Variants in METTL15 observed in about 807,000 individuals in gnomAD.
The protein encoded by METTL15 is methyltransferase 15, mitochondrial 12S rRNA N4-cytidine, also known as 12S rRNA N(4)-cytidine methyltransferase METTL15.
METTL15 carries 34 observed loss-of-function variants against 38.3 expected under a neutral mutation model. The observed-to-expected ratio is 0.89, with a 90% CI of 0.68 to 1.18. The LOEUF (loss-of-function observed/expected upper bound fraction) is 1.18, where lower values mean the gene tolerates loss of function less well. Among genes scored for constraint, METTL15 ranks in the 50% most tolerant of loss-of-function variants. METTL15 has a pLI of 0.00. For missense variants in METTL15, 438 were observed against 498.4 expected (o/e 0.88, Z 1.15); for synonymous variants, 162 against 170.9 (o/e 0.95, Z 0.41).
At chr11:28,146,594 G>T (rs1849894717) in intron 3 of METTL15, among the ~76,000 whole-genome samples, 1 of 151,866 alleles carries the variant, frequency 6.6e-6, no homozygotes. Context: ...GTGTCATTGT[G>T]ATTAATTTCT....
At chr11:28,524,263 A>G (rs1466246744) in intron 6 of METTL15, among the ~76,000 whole-genome samples, 1 of 152,244 alleles carries the variant, frequency 6.6e-6, no homozygotes, top group Non-Finnish European at 1.5e-5. Context: ...GGTTTTGAGT[A>G]ACAGTGACTC....
At chr11:28,243,081 TAAA>T (rs879689338) in intron 4 of METTL15, among the ~76,000 whole-genome samples, 1 of 139,468 alleles carries the variant, frequency 7.2e-6, no homozygotes. Flanking sequence ...GATTGGAGTG[TAAA>T]AAAAAAAAAA....
intron 4 of METTL15, among the ~76,000 whole-genome samples, chr11:28,360,019 C>T (rs532202872): frequency 6.6e-6 from 1 of 152,166 alleles, no homozygotes; most frequent in Non-Finnish European, 1.5e-5. Flanking sequence ...GAAGCCCAAC[C>T]CCTCAGGAGA....
In METTL15 at chr11:28,332,714, G is replaced by A. The variant is rs1283626302; in HGVS notation, c.*1873G>A. 2 of 151,642 alleles carry A rather than the reference G, an allele frequency of 1.3e-5. No individual in the cohort carries two copies. Among genetic ancestry groups the A allele is most frequent in the African/African-American group, 4.9e-5 (2 of 41,060 alleles). 9.4% of individuals were successfully genotyped at this position (151,642 alleles called of 1,614,324 possible). ...CACGCCTGTAATCCCAGCACTGTGG[G>A]AGGCCAAGCCAGGCAAATCGCTTGA... is the stretch of plus-strand genomic sequence containing the variant. On this transcript the variant is annotated 3_prime_UTR_variant, in exon 7 of 7. Transcript: ENST00000407364.
chr11:28,213,491 G>C (rs1364560901), intron 4 of METTL15, among the ~76,000 whole-genome samples: 2 of 151,354 alleles, frequency 1.3e-5, no homozygotes, highest in African/African-American at 4.9e-5. Context: ...TGAAATGAAT[G>C]ATATCCTAAT....
intron 4 of METTL15, among the ~76,000 whole-genome samples, chr11:28,232,179 A>G (rs1207495559): frequency 1.3e-5 from 2 of 151,918 alleles, no homozygotes; most frequent in Non-Finnish European, 2.9e-5. Flanking sequence ...TCACTTCCTC[A>G]GTAAATATTT....
chr11:28,470,714 T>C (rs1282979574), intron 6 of METTL15, among the ~76,000 whole-genome samples: 1 of 152,094 alleles, frequency 6.6e-6, no homozygotes, highest in Non-Finnish European at 1.5e-5. Context: ...TTAGCTAATG[T>C]AAGCACTCCC....
At chr11:28,530,639 C>T (rs374007835), downstream of METTL15, among the ~76,000 whole-genome samples, 2 of 151,984 alleles carry the variant, frequency 1.3e-5, no homozygotes, top group Non-Finnish European at 2.9e-5. Context: ...TAAAGACATG[C>T]GCACAATTGA....
rs576756176 is a variant in METTL15 at position 28,211,041 on chromosome 11, T to G, written c.271-21T>G. 61 of 1,593,972 alleles carry G rather than the reference T, an allele frequency of 3.8e-5. No homozygotes were observed. The South Asian group carries it at 6.6e-4, about 17-fold the overall frequency. ...GTTTTGTTTATGCTAAGTTGTAATT[T>G]TCTTTTTCTGTGTTTGCTAGATTTT... On this transcript the variant is annotated intron_variant, in intron 3 of 6. Coordinates refer to ENST00000407364, the MANE Select transcript of METTL15 (RefSeq NM_001113528.2).
At chr11:28,330,307 T>C (rs1441206914) in intron 6 of METTL15, 89 bp from the exon 7 acceptor site, 2 of 1,181,696 alleles carry the variant, frequency 1.7e-6, no homozygotes, top group Admixed American at 6.1e-5. Flanking sequence ...TCACTAAATA[T>C]GCACACAACT....
chr11:28,288,620 C>A (rs1424905131), intron 4 of METTL15, among the ~76,000 whole-genome samples: 1 of 151,992 alleles, frequency 6.6e-6, no homozygotes, highest in African/African-American at 2.4e-5. Context: ...GATGACCACA[C>A]ATGGACACAT....
At chr11:28,440,204 G>C (rs374484105) in intron 6 of METTL15, among the ~76,000 whole-genome samples, 1 of 151,946 alleles carries the variant, frequency 6.6e-6, no homozygotes, top group Admixed American at 6.6e-5. Flanking sequence ...CAAGTTATTC[G>C]TGTTACTAGA....
intron 3 of METTL15, among the ~76,000 whole-genome samples, chr11:28,171,754 T>C (rs1324626661): frequency 6.6e-6 from 1 of 151,932 alleles, no homozygotes; most frequent in Non-Finnish European, 1.5e-5. Context: ...TTTCAAATCT[T>C]TGTTTCCCCT....
chr11:28,417,873 G>C (rs1449842395), intron 5 of METTL15, among the ~76,000 whole-genome samples: 3 of 151,968 alleles, frequency 2.0e-5, no homozygotes, highest in Non-Finnish European at 4.4e-5. Flanking sequence ...TATAAAAATA[G>C]GTTCATCTAA....
At chr11:28,462,768 G>C (rs1003165340) in intron 6 of METTL15, among the ~76,000 whole-genome samples, 2 of 152,048 alleles carry the variant, frequency 1.3e-5, no homozygotes, top group African/African-American at 4.8e-5. Context: ...CTATCAAGCT[G>C]TAACAATGGG....
intron 3 of METTL15, among the ~76,000 whole-genome samples, chr11:28,178,165 A>G (rs544251771): frequency 2.7e-4 from 41 of 151,992 alleles, no homozygotes; most frequent in African/African-American, 9.1e-4. Context: ...GTGGTTGTCT[A>G]TTCAGGAATA....
chr11:28,408,074 C>T (rs908145124), intron 5 of METTL15, among the ~76,000 whole-genome samples: 2 of 151,996 alleles, frequency 1.3e-5, no homozygotes, highest in Non-Finnish European at 2.9e-5. Flanking sequence ...CCAAACACCA[C>T]ATTTTCTCAC....
At position 28,286,365 on chromosome 11, in the gene METTL15, C is replaced by T. The variant is rs1411010894; in HGVS notation, c.408-3841C>T. Among the ~76,000 whole-genome samples the T allele has an allele frequency of 2.0e-5, 3 of 152,146 alleles. No homozygotes were observed. In the East Asian group the frequency reaches 5.8e-4, roughly 29 times the overall value. On this transcript the variant is annotated intron_variant, in intron 4 of 6. Coordinates refer to ENST00000407364, the MANE Select transcript of METTL15 (RefSeq NM_001113528.2). The stretch of plus-strand genomic sequence containing the variant: ...GTTAGGGTTTGATTAAATAACTGGG[C>T]ACTGTAGCTTAGCCAAGTTGACATA...
chr11:28,129,153 CT>C (rs557956953), intron 3 of METTL15, among the ~76,000 whole-genome samples: 5 of 152,188 alleles, frequency 3.3e-5, no homozygotes, highest in Non-Finnish European at 7.3e-5. Context: ...AGGTATTCCT[CT>C]GTCAAACACT....
Sources: gnomAD v4.1 joint callset for allele counts (sites outside exome capture counted in the v4.1 genomes callset) on GRCh38, gnomAD v4.1.1 for gene constraint, MANE v1.5 for transcripts, NCBI Gene and HGNC (gene_info 2026-07-23, HGNC 2026-07-21) for gene names.